The following KIAA0825 variants were observed in gnomAD, a reference collection of about 807,000 sequenced individuals.
The protein encoded by KIAA0825 is uncharacterized protein KIAA0825.
In KIAA0825, 119 loss-of-function variants were observed where a neutral mutation model predicts 147.6. The observed-to-expected ratio is 0.81, with a 90% CI of 0.69 to 0.94. KIAA0825 has a LOEUF of 0.94. KIAA0825 is among the 40% of genes least tolerant of loss of function. KIAA0825 has a pLI of 0.00. For synonymous variants in KIAA0825, 470 were observed against 518.1 expected, an observed-to-expected ratio of 0.91 and a Z score of 1.26; for missense variants, 1,381 against 1,472.7, an observed-to-expected ratio of 0.94 and a Z score of 1.02.
chr5:94,462,615 C>A, intron 11 of KIAA0825, 46 bp from the exon 12 acceptor site: 1 of 1,210,138 alleles, frequency 8.3e-7, no homozygotes, highest in Non-Finnish European at 1.1e-6. Context: ...AAAATAATGT[C>A]TCTGCTTGGT....
intron 20 of KIAA0825, among the ~76,000 whole-genome samples, chr5:94,273,890 A>G (rs1777097545): frequency 6.6e-6 from 1 of 152,130 alleles, no homozygotes; most frequent in African/African-American, 2.4e-5. Context: ...TTAAATTCAC[A>G]AAAGATATAT....
chr5:94,401,627 C>T (rs558774204), intron 16 of KIAA0825, among the ~76,000 whole-genome samples: 2 of 152,236 alleles, frequency 1.3e-5, no homozygotes, highest in Non-Finnish European at 2.9e-5. Context: ...GGCTCACTCA[C>T]AGACCAAGAA....
intron 12 of KIAA0825, among the ~76,000 whole-genome samples, chr5:94,461,853 C>G (rs780876518): frequency 6.6e-6 from 1 of 151,874 alleles, no homozygotes; most frequent in Non-Finnish European, 1.5e-5. Context: ...CTAACCTCCT[C>G]TATAGCATTA....
At chr5:94,161,156 A>C (rs1479922046) in intron 20 of KIAA0825, among the ~76,000 whole-genome samples, 1 of 152,220 alleles carries the variant, frequency 6.6e-6, no homozygotes, top group Non-Finnish European at 1.5e-5. Flanking sequence ...GTGTCTGGAC[A>C]GTGCGATAAT....
At chr5:94,310,689 A>G (rs1471079750) in intron 20 of KIAA0825, among the ~76,000 whole-genome samples, 1 of 151,700 alleles carries the variant, frequency 6.6e-6, no homozygotes, top group Non-Finnish European at 1.5e-5. Flanking sequence ...TATCTGCAGG[A>G]ATGATGTAGT....
chr5:94,309,485 C>T (rs1202091828), intron 20 of KIAA0825, among the ~76,000 whole-genome samples: 1 of 151,536 alleles, frequency 6.6e-6, no homozygotes, highest in Non-Finnish European at 1.5e-5. Flanking sequence ...TGGTTAAAAC[C>T]CCAAAAATGC....
intron 20 of KIAA0825, among the ~76,000 whole-genome samples, chr5:94,316,562 T>A (rs1779681586): frequency 1.3e-5 from 2 of 151,644 alleles, no homozygotes; most frequent in Admixed American, 6.6e-5. Context: ...GGCTGTGGCC[T>A]CCTAAAGCTC....
intron 1 of KIAA0825, among the ~76,000 whole-genome samples, chr5:94,585,778 C>A (rs1261374345): frequency 5.3e-5 from 8 of 151,952 alleles, no homozygotes; most frequent in African/African-American, 1.9e-4. Flanking sequence ...AAAATTAACC[C>A]CATAATTGGA....
At chr5:94,174,792 T>C (rs1768939186) in intron 20 of KIAA0825, among the ~76,000 whole-genome samples, 1 of 152,164 alleles carries the variant, frequency 6.6e-6, no homozygotes, top group Non-Finnish European at 1.5e-5. Context: ...TATCTTTTAG[T>C]CAGATGAGTG....
At chr5:94,467,147 T>A (rs1234224638) in intron 10 of KIAA0825, among the ~76,000 whole-genome samples, 4 of 152,258 alleles carry the variant, frequency 2.6e-5, no homozygotes, top group Non-Finnish European at 2.9e-5. Context: ...TAAGACTTTT[T>A]AAAATATAAA....
At chr5:94,420,759 A>C (rs1457444259) in intron 14 of KIAA0825, among the ~76,000 whole-genome samples, 1 of 152,140 alleles carries the variant, frequency 6.6e-6, no homozygotes, top group Non-Finnish European at 1.5e-5. Context: ...GAAGGCAGAA[A>C]AAATAGATTG....
chr5:94,472,735 C>T (rs1369256241), intron 8 of KIAA0825, among the ~76,000 whole-genome samples: 2 of 151,964 alleles, frequency 1.3e-5, no homozygotes, highest in Non-Finnish European at 2.9e-5. Flanking sequence ...CAGAGTGAGG[C>T]CCCCGTCTCA....
At chr5:94,326,649 T>C (rs926000746) in intron 20 of KIAA0825, among the ~76,000 whole-genome samples, 6 of 152,224 alleles carry the variant, frequency 3.9e-5, no homozygotes, top group African/African-American at 1.2e-4. Context: ...TGTTATGGCC[T>C]CTGTAACTCT....
At chr5:94,167,601 T>G (rs1176594568) in intron 20 of KIAA0825, among the ~76,000 whole-genome samples, 1 of 152,174 alleles carries the variant, frequency 6.6e-6, no homozygotes. Flanking sequence ...GTATTAGTTT[T>G]GGGGAAACTC....
chr5:94,412,063 T>A (rs951370996), intron 15 of KIAA0825, among the ~76,000 whole-genome samples: 9 of 152,138 alleles, frequency 5.9e-5, no homozygotes, highest in African/African-American at 2.2e-4. Context: ...TTTATCAATA[T>A]ATGTATAAAA....
chr5:94,441,601 A>C (rs1757091411), intron 13 of KIAA0825, among the ~76,000 whole-genome samples: 1 of 152,138 alleles, frequency 6.6e-6, no homozygotes, highest in African/African-American at 2.4e-5. Context: ...TCCTTCTAAG[A>C]AGAGGCTGGA....
chr5:94,178,856 A>T (rs1371372294), intron 20 of KIAA0825, among the ~76,000 whole-genome samples: 1 of 152,152 alleles, frequency 6.6e-6, no homozygotes, highest in Non-Finnish European at 1.5e-5. Flanking sequence ...AAAATATGTG[A>T]ATGTTTATAA....
chr5:94,445,279 T>C (rs566395248), intron 13 of KIAA0825, among the ~76,000 whole-genome samples: 3 of 152,314 alleles, frequency 2.0e-5, no homozygotes, highest in African/African-American at 4.8e-5. Flanking sequence ...GTTTAGATAA[T>C]TGATAAAACT....
intron 1 of KIAA0825, among the ~76,000 whole-genome samples, chr5:94,588,468 C>T (rs1463100258): frequency 6.6e-6 from 1 of 152,126 alleles, no homozygotes; most frequent in Non-Finnish European, 1.5e-5. Context: ...CAGAAAAATG[C>T]AAATCAAAAC....
Sources: allele counts gnomAD v4.1 joint callset (sites outside exome capture counted in the v4.1 genomes callset), GRCh38; gene constraint gnomAD v4.1.1; transcripts MANE v1.5; gene names NCBI Gene and HGNC (gene_info 2026-07-23, HGNC 2026-07-21).